The following KCNIP1 variants were observed in gnomAD, a reference collection of about 807,000 sequenced individuals.
The protein encoded by KCNIP1 is potassium voltage-gated channel interacting protein 1, also known as A-type potassium channel modulatory protein KCNIP1.
Under a neutral mutation model 33.0 loss-of-function variants are expected in KCNIP1, and 18 were observed. The ratio of observed to expected loss-of-function variants is 0.55; its 90% CI spans 0.38 to 0.81. KCNIP1 has a LOEUF of 0.81. Among genes scored for constraint, KCNIP1 ranks in the 30% least tolerant of loss-of-function variants. The pLI is 0.00. For missense variants in KCNIP1, 238 were observed against 271.6 expected (o/e 0.88, Z 0.87); for synonymous variants, 93 against 98.3 (o/e 0.95, Z 0.32).
At chr5:170,610,228 C>T (rs187338485) in intron 1 of KCNIP1, among the ~76,000 whole-genome samples, 7 of 152,224 alleles carry the variant, frequency 4.6e-5, no homozygotes, top group South Asian at 2.1e-4. Context: ...CTGAGGAGTA[C>T]GAACCACTTA....
At position 170,429,388 on chromosome 5, in the gene KCNIP1, T is replaced by C. The variant is rs532163945; in HGVS notation, c.88+75424T>C. ...TCCTTATTCTTCCCCTACATATATA[T>C]GTATATATATATATATTCTCATACT... On this transcript the variant is annotated intron_variant, in intron 1 of 7. Coordinates refer to the KCNIP1 transcript ENST00000377360. Among the ~76,000 whole-genome samples the C allele has an allele frequency of 1.4e-3, 156 of 111,968 alleles. 2 individuals carry two copies. The highest frequency in any genetic ancestry group is 4.8e-3 in the African/African-American group (143 of 29,678). The allele number at this position is 111,968 out of a possible 152,430, so 73.5% of individuals were successfully genotyped here.
rs75254752 is a variant in KCNIP1 at position 170,545,932 on chromosome 5, A to G, written c.61+41299A>G. On this transcript the variant is annotated intron_variant, in intron 1 of 7. Transcript: ENST00000328939. ...CCTCATAATTTTGACCATAAGCTGG[A>G]CATTGTATGTAAAAGAACTGTGGAG... Among the ~76,000 whole-genome samples, 1,128 of 152,180 alleles carry G rather than the reference A, an allele frequency of 7.4e-3. 18 individuals are homozygous for G. Among genetic ancestry groups the G allele is most frequent in the African/African-American group, 0.026 (1,066 of 41,518 alleles).
chr5:170,433,085 C>G (rs1405422083), intron 1 of KCNIP1, among the ~76,000 whole-genome samples: 1 of 152,180 alleles, frequency 6.6e-6, no homozygotes, highest in African/African-American at 2.4e-5. Flanking sequence ...ATTTGAACCA[C>G]CTGAGGTTCA....
At chr5:170,699,178 A>C (rs961566209) in intron 1 of KCNIP1, among the ~76,000 whole-genome samples, 1 of 152,208 alleles carries the variant, frequency 6.6e-6, no homozygotes, top group Admixed American at 6.5e-5. Context: ...AGCAAAAAAG[A>C]ACGTAACAGC....
At chr5:170,385,194 T>C in intron 1 of KCNIP1, 1 of 1,112,442 alleles carries the variant, frequency 9.0e-7, no homozygotes, top group Non-Finnish European at 1.3e-6. Context: ...GAGCATCGTC[T>C]TGACCCTGCT....
At chr5:170,614,183 G>A (rs957411807) in intron 1 of KCNIP1, among the ~76,000 whole-genome samples, 5 of 152,176 alleles carry the variant, frequency 3.3e-5, no homozygotes, top group Non-Finnish European at 7.4e-5. Flanking sequence ...AAATATTGCC[G>A]CAGCCAGGAG....
intron 1 of KCNIP1, among the ~76,000 whole-genome samples, chr5:170,714,683 G>A (rs953966531): frequency 6.6e-6 from 1 of 152,002 alleles, no homozygotes; most frequent in African/African-American, 2.4e-5. Context: ...TTTAAAAAAA[G>A]GGTTTTAAAA....
chr5:170,722,596 A>G (rs1763865054), intron 4 of KCNIP1, 117 bp from the exon 5 acceptor site: 3 of 737,312 alleles, frequency 4.1e-6, no homozygotes, highest in Non-Finnish European at 7.3e-6. Context: ...CTCCAGGCAG[A>G]CAAGAGGACG....
chr5:170,695,892 G>T (rs1009147779), intron 1 of KCNIP1, among the ~76,000 whole-genome samples: 3 of 151,974 alleles, frequency 2.0e-5, no homozygotes, highest in Non-Finnish European at 4.4e-5. Flanking sequence ...GGTGGCATGC[G>T]CCTGTAATCC....
chr5:170,646,587 T>A (rs188771770), intron 1 of KCNIP1, among the ~76,000 whole-genome samples: 2 of 152,238 alleles, frequency 1.3e-5, no homozygotes, highest in Admixed American at 1.3e-4. Context: ...AGAGGGGAAT[T>A]TTCTCACCTT....
At chr5:170,563,685 G>GCCTGGGCACTCCA (rs1757112363) in intron 1 of KCNIP1, among the ~76,000 whole-genome samples, 1 of 152,114 alleles carries the variant, frequency 6.6e-6, no homozygotes, top group Non-Finnish European at 1.5e-5. Context: ...TTGTTGCCCA[G>GCCTGGGCACTCCA]GCTGGAGTGC....
chr5:170,733,271 G>A (rs962663971), intron 6 of KCNIP1, among the ~76,000 whole-genome samples: 1 of 152,218 alleles, frequency 6.6e-6, no homozygotes. Flanking sequence ...CAGATTATGA[G>A]ACCTTTAAAT....
intron 1 of KCNIP1, among the ~76,000 whole-genome samples, chr5:170,516,507 G>A (rs73803735): frequency 2.2e-4 from 34 of 152,250 alleles, no homozygotes; most frequent in African/African-American, 8.2e-4. Context: ...CAAAGACTTG[G>A]GATTCCTTAA....
chr5:170,531,271 T>C (rs1755777723), intron 1 of KCNIP1, among the ~76,000 whole-genome samples: 1 of 152,190 alleles, frequency 6.6e-6, no homozygotes, highest in African/African-American at 2.4e-5. Flanking sequence ...TTTGAAACTC[T>C]TGTGCACACA....
At chr5:170,570,719 C>T (rs912052802) in intron 1 of KCNIP1, among the ~76,000 whole-genome samples, 3 of 152,356 alleles carry the variant, frequency 2.0e-5, no homozygotes, top group South Asian at 4.1e-4. Flanking sequence ...GACAGACGGC[C>T]GGCACTGACT....
intron 1 of KCNIP1, among the ~76,000 whole-genome samples, chr5:170,593,420 C>T (rs990948038): frequency 5.3e-5 from 8 of 152,212 alleles, no homozygotes; most frequent in Non-Finnish European, 1.0e-4. Flanking sequence ...AGAGATATCA[C>T]GGAGAGGGGA....
chr5:170,483,154 A>T (rs555826274), intron 1 of KCNIP1: 12 of 433,870 alleles, frequency 2.8e-5, no homozygotes, highest in African/African-American at 2.5e-4. Context: ...ATTTCCATGG[A>T]GCTCACTCGC....
chr5:170,597,806 T>TG (rs1375607432), intron 1 of KCNIP1, among the ~76,000 whole-genome samples: 1,840 of 6,276 alleles, frequency 0.29, 57 homozygotes, highest in Non-Finnish European at 0.43. Flanking sequence ...TATATATATA[T>TG]ATATATATAT....
chr5:170,369,685 T>G (rs1476902633), intron 1 of KCNIP1, among the ~76,000 whole-genome samples: 1 of 152,260 alleles, frequency 6.6e-6, no homozygotes. Context: ...TTTGCACTTT[T>G]GCTGATGCAG....
Sources: allele counts gnomAD v4.1 joint callset (sites outside exome capture counted in the v4.1 genomes callset), GRCh38; gene constraint gnomAD v4.1.1; transcripts MANE v1.5; gene names NCBI Gene and HGNC (gene_info 2026-07-23, HGNC 2026-07-21).